LRMDA: variants seen among roughly 807,000 people sequenced by gnomAD.
The protein encoded by LRMDA is leucine-rich melanocyte differentiation-associated protein.
In LRMDA, 18 loss-of-function variants were observed where a neutral mutation model predicts 29.8. That is an observed-to-expected ratio of 0.60 (90% CI 0.42 to 0.90). LRMDA has a LOEUF of 0.90. Ranked by LOEUF, LRMDA falls within the 40% of genes least tolerant of loss-of-function variation. The pLI, the probability that LRMDA is intolerant of heterozygous loss-of-function variation, is 0.00. For synonymous variants in LRMDA, 125 were observed against 109.4 expected (o/e 1.14, Z -0.89); for missense variants, 273 against 273.9 (o/e 1.00, Z 0.02).
intron 2 of LRMDA, among the ~76,000 whole-genome samples, chr10:75,849,642 C>T (rs1349397967): frequency 6.6e-6 from 1 of 152,094 alleles, no homozygotes; most frequent in Non-Finnish European, 1.5e-5. Flanking sequence ...GGAAAAATAG[C>T]TAAAGCATTC....
chr10:75,808,291 A>G (rs1843893764), intron 2 of LRMDA, among the ~76,000 whole-genome samples: 1 of 152,176 alleles, frequency 6.6e-6, no homozygotes, highest in Non-Finnish European at 1.5e-5. Flanking sequence ...GGGAGCATCA[A>G]AAGTGGCTGA....
intron 6 of LRMDA, among the ~76,000 whole-genome samples, chr10:76,446,066 C>T (rs1436972616): frequency 6.6e-6 from 1 of 152,154 alleles, no homozygotes; most frequent in African/African-American, 2.4e-5. Context: ...TTGCGTAGAT[C>T]TGTATACAGC....
At chr10:75,893,678 G>A (rs1355603419) in intron 2 of LRMDA, among the ~76,000 whole-genome samples, 1 of 152,176 alleles carries the variant, frequency 6.6e-6, no homozygotes, top group Non-Finnish European at 1.5e-5. Context: ...GCTCACACCT[G>A]TAATCCCAGC....
chr10:75,772,906 C>G (rs891295281), intron 2 of LRMDA, among the ~76,000 whole-genome samples: 3 of 151,318 alleles, frequency 2.0e-5, no homozygotes, highest in Non-Finnish European at 2.9e-5. Flanking sequence ...TATGGATCAT[C>G]CCAGCTTGCC....
At chr10:75,947,768 C>T (rs544121225) in intron 2 of LRMDA, among the ~76,000 whole-genome samples, 1 of 152,336 alleles carries the variant, frequency 6.6e-6, no homozygotes, top group Admixed American at 6.5e-5. Context: ...CGAAAACACA[C>T]ACATACTTCA....
chr10:75,972,853 C>T (rs1283443784), intron 2 of LRMDA, among the ~76,000 whole-genome samples: 1 of 152,170 alleles, frequency 6.6e-6, no homozygotes, highest in East Asian at 1.9e-4. Context: ...CTACAGCCCA[C>T]ACAAATAGGC....
At chr10:75,633,446 C>G (rs1841353018) in intron 2 of LRMDA, among the ~76,000 whole-genome samples, 1 of 152,228 alleles carries the variant, frequency 6.6e-6, no homozygotes, top group East Asian at 1.9e-4. Flanking sequence ...TCTTTAGTCC[C>G]AGCTGTTTGT....
Position 76,322,808 on chromosome 10 carries a change from T to A in LRMDA, c.517-1593T>A, listed in dbSNP as rs541452497. On this transcript the variant is annotated intron_variant, in intron 5 of 6. Coordinates refer to ENST00000611255, the MANE Select transcript of LRMDA (RefSeq NM_001305581.2). ...ATGGCTTCCTATGGAGGAAGTATGA[T>A]AGATCTAGGGAGGATGACCCCTGTA... Among the ~76,000 whole-genome samples the A allele has an allele frequency of 2.0e-5, 3 of 152,226 alleles. 1 individual carries two copies. The South Asian group carries it at 6.2e-4, about 32-fold the overall frequency.
At chr10:75,878,673 C>T (rs922018622) in intron 2 of LRMDA, among the ~76,000 whole-genome samples, 1 of 152,150 alleles carries the variant, frequency 6.6e-6, no homozygotes, top group Non-Finnish European at 1.5e-5. Flanking sequence ...CCTGTTCTCA[C>T]TTAGATCCAT....
At chr10:76,082,102 A>C (rs1849058937) in intron 5 of LRMDA, among the ~76,000 whole-genome samples, 1 of 152,164 alleles carries the variant, frequency 6.6e-6, no homozygotes, top group African/African-American at 2.4e-5. Context: ...CAACCAAATG[A>C]AGATCAAAAA....
At chr10:76,329,684 A>G (rs181058355) in intron 6 of LRMDA, among the ~76,000 whole-genome samples, 1 of 152,192 alleles carries the variant, frequency 6.6e-6, no homozygotes, top group Non-Finnish European at 1.5e-5. Flanking sequence ...ACTGTCACAA[A>G]GTAATTTATA....
At chr10:76,222,233 C>CA in intron 5 of LRMDA, among the ~76,000 whole-genome samples, 1 of 152,188 alleles carries the variant, frequency 6.6e-6, no homozygotes, top group South Asian at 2.1e-4. Context: ...TCTAAAACAC[C>CA]AAAAGCAGTG....
intron 2 of LRMDA, among the ~76,000 whole-genome samples, chr10:75,467,567 G>A (rs1044015951): frequency 2.6e-5 from 4 of 152,088 alleles, no homozygotes; most frequent in East Asian, 1.9e-4. Context: ...GGAAACAAAG[G>A]GTGTGGCCTC....
intron 5 of LRMDA, among the ~76,000 whole-genome samples, chr10:76,066,605 A>G (rs533266729): frequency 6.6e-6 from 1 of 152,192 alleles, no homozygotes; most frequent in South Asian, 2.1e-4. Flanking sequence ...CAAGGCATAC[A>G]TTTCTGATGG....
At chr10:75,719,485 G>A (rs910669049) in intron 2 of LRMDA, among the ~76,000 whole-genome samples, 15 of 152,336 alleles carry the variant, frequency 9.8e-5, no homozygotes, top group Admixed American at 7.8e-4. Context: ...GTTACATTCT[G>A]TAGTGGTGTC....
chr10:76,053,711 T>C (rs1463808591), intron 4 of LRMDA, among the ~76,000 whole-genome samples: 2 of 152,210 alleles, frequency 1.3e-5, no homozygotes, highest in African/African-American at 4.8e-5. Context: ...ACATGGCCAC[T>C]GGCTGGGTTC....
intron 2 of LRMDA, among the ~76,000 whole-genome samples, chr10:75,474,325 A>C (rs1052701823): frequency 2.6e-5 from 4 of 152,216 alleles, no homozygotes; most frequent in African/African-American, 9.6e-5. Flanking sequence ...TGGCTTATGA[A>C]CAGCAGAAAC....
At chr10:76,537,123 G>A (rs1022939688) in intron 6 of LRMDA, among the ~76,000 whole-genome samples, 1 of 152,022 alleles carries the variant, frequency 6.6e-6, no homozygotes, top group African/African-American at 2.4e-5. Context: ...ATTTGTTCAC[G>A]AGAGAGCTTC....
rs1230411095 is a variant in LRMDA, at chr10:76,007,031, T to TGTGTGTGTGTGTGTGTGC, written c.132-28976_132-28975insTGTGTGTGTGTGTGTGCG. On this transcript the variant is annotated intron_variant, in intron 2 of 6. Coordinates refer to ENST00000611255, the MANE Select transcript of LRMDA (RefSeq NM_001305581.2). ...GTGTGTGTGTGTGTGTGTGTGTGTG[T>TGTGTGTGTGTGTGTGTGC]GCGCGTGTGTGTTTATATATTTATT... is the stretch of plus-strand genomic sequence containing the variant. Among the ~76,000 whole-genome samples, 20 of 26,962 alleles carry TGTGTGTGTGTGTGTGTGC rather than the reference T, an allele frequency of 7.4e-4. No individual in the cohort carries two copies. In the East Asian group the frequency reaches 9.4e-3, roughly 13 times the overall value. The allele number at this position is 26,962 out of a possible 152,430, so 17.7% of individuals were successfully genotyped here. A position where few individuals can be genotyped will look rare whatever the true frequency, so the allele number is the denominator to read the frequency against.
Sources: allele counts gnomAD v4.1 joint callset (sites outside exome capture counted in the v4.1 genomes callset), GRCh38; gene constraint gnomAD v4.1.1; transcripts MANE v1.5; gene names NCBI Gene and HGNC (gene_info 2026-07-23, HGNC 2026-07-21).